GNAO1: variants seen among roughly 807,000 people sequenced by gnomAD.
GNAO1 encodes G protein subunit alpha o1, also known as guanine nucleotide-binding protein G(o) subunit alpha.
For synonymous variants in GNAO1, 164 were observed against 180.7 expected, an observed-to-expected ratio of 0.91 and a Z score of 0.74; for missense variants, 166 against 478.7, an observed-to-expected ratio of 0.35 and a Z score of 6.10.
At chr16:56,244,083 G>C (rs2036719463) in intron 2 of GNAO1, among the ~76,000 whole-genome samples, 2 of 152,210 alleles carry the variant, frequency 1.3e-5, no homozygotes, top group African/African-American at 4.8e-5. Flanking sequence ...TGTGATCCCA[G>C]ACCCCACTCT....
At chr16:56,296,578 G>A (rs2037290107) in intron 3 of GNAO1, among the ~76,000 whole-genome samples, 2 of 152,118 alleles carry the variant, frequency 1.3e-5, no homozygotes, top group South Asian at 4.1e-4. Context: ...ACACACAGAT[G>A]CTGAGCCTGA....
At chr16:56,221,160 T>C (rs2036482738) in intron 2 of GNAO1, among the ~76,000 whole-genome samples, 1 of 152,188 alleles carries the variant, frequency 6.6e-6, no homozygotes. Context: ...CACTAGACAC[T>C]GAATGCCAGT....
At chr16:56,344,291 G>A (rs1160387135) in intron 6 of GNAO1, 79 of 1,200,668 alleles carry the variant, frequency 6.6e-5, no homozygotes, top group Non-Finnish European at 6.5e-5. Flanking sequence ...TGGAAGCCTC[G>A]GAGTGTCCTC....
intron 6 of GNAO1, chr16:56,347,301 C>A (rs1395686253): frequency 2.0e-6 from 2 of 985,336 alleles, no homozygotes; most frequent in Non-Finnish European, 2.4e-6. Context: ...ACCAGAGATT[C>A]AGTGTGCAGT....
At chr16:56,305,821 G>GT (rs765360820) in intron 3 of GNAO1, among the ~76,000 whole-genome samples, 77 of 152,316 alleles carry the variant, frequency 5.1e-4, no homozygotes, top group Non-Finnish European at 9.3e-4. Context: ...GTAGATGGCT[G>GT]TTTTCTCCCC....
At chr16:56,270,324 C>T (rs1345404228) in intron 2 of GNAO1, 1 of 152,294 alleles carries the variant, frequency 6.6e-6, no homozygotes, top group African/African-American at 2.4e-5. Context: ...CTGAGCGTCC[C>T]TGAGTTTTGG....
intron 2 of GNAO1, chr16:56,194,181 G>T (rs1214534686): frequency 2.2e-6 from 1 of 456,514 alleles, no homozygotes. Context: ...GGCTTTCTTC[G>T]CAGAGCCCCC....
At chr16:56,280,590 G>C (rs1316142253) in intron 3 of GNAO1, among the ~76,000 whole-genome samples, 1 of 152,122 alleles carries the variant, frequency 6.6e-6, no homozygotes, top group African/African-American at 2.4e-5. Context: ...GCAGGGAGGG[G>C]GATGGCAGGG....
intron 3 of GNAO1, chr16:56,307,651 C>T (rs2037411291): frequency 6.6e-6 from 1 of 152,230 alleles, no homozygotes; most frequent in Non-Finnish European, 1.5e-5. Context: ...TAACCCAGAT[C>T]CTCTGAGGCC....
chr16:56,239,101 T>G (rs1057249653), intron 2 of GNAO1, among the ~76,000 whole-genome samples: 1 of 152,222 alleles, frequency 6.6e-6, no homozygotes, highest in African/African-American at 2.4e-5. Context: ...AAAATACACT[T>G]CAGTGTCACA....
At chr16:56,328,322 T>C (rs994620685) in intron 3 of GNAO1, among the ~76,000 whole-genome samples, 1 of 152,086 alleles carries the variant, frequency 6.6e-6, no homozygotes, top group Non-Finnish European at 1.5e-5. Context: ...GCTGGTTGAG[T>C]TGGAGAGTGG....
rs1417130282 is a variant in GNAO1, at chr16:56,351,033, C to A, written c.724-351C>A. On this transcript the variant is annotated intron_variant, in intron 6 of 8. Coordinates refer to ENST00000262493, the MANE Select transcript of GNAO1 (RefSeq NM_020988.3). The surrounding 1 kb of genome is among the most constrained non-coding windows in gnomAD (Gnocchi z 6.1). ...CACACATAACAGGTGCATGCACACA[C>A]ACACAGGCACATGCACACAGCCACA... 1.3e-5 allele frequency among the ~76,000 whole-genome samples: 2 copies of A among 152,150 alleles called. No individual in the cohort carries two copies. Among genetic ancestry groups the A allele is most frequent in the African/African-American group, 4.8e-5 (2 of 41,406 alleles).
At chr16:56,220,362 A>C (rs997597493) in intron 2 of GNAO1, among the ~76,000 whole-genome samples, 1 of 152,190 alleles carries the variant, frequency 6.6e-6, no homozygotes, top group African/African-American at 2.4e-5. Flanking sequence ...TGTTCACTAG[A>C]GCCTACTGTG....
At chr16:56,308,834 AAGG>A (rs2037425275) in intron 3 of GNAO1, among the ~76,000 whole-genome samples, 1 of 152,072 alleles carries the variant, frequency 6.6e-6, no homozygotes, top group Admixed American at 6.6e-5. Context: ...AGCAAGACAG[AAGG>A]AGGAGGAAGG....
At chr16:56,347,824 C>A in intron 6 of GNAO1, 1 of 980,364 alleles carries the variant, frequency 1.0e-6, no homozygotes, top group Non-Finnish European at 1.2e-6. Flanking sequence ...GTTACTCCCA[C>A]AGCTCTGGGC....
chr16:56,292,049 T>C (rs1360382122), intron 3 of GNAO1, among the ~76,000 whole-genome samples: 1 of 152,196 alleles, frequency 6.6e-6, no homozygotes, highest in Non-Finnish European at 1.5e-5. Context: ...ACTTACACTC[T>C]TTTGGAGCTG....
intron 4 of GNAO1, among the ~76,000 whole-genome samples, chr16:56,331,172 G>T (rs1255629610): frequency 6.6e-6 from 1 of 152,162 alleles, no homozygotes; most frequent in Non-Finnish European, 1.5e-5. Context: ...GCACTTCTCT[G>T]CCCAGCCCTT....
At chr16:56,270,314 CT>C (rs1286868812) in intron 2 of GNAO1, 2 of 152,298 alleles carry the variant, frequency 1.3e-5, no homozygotes, top group African/African-American at 4.8e-5. Context: ...TGGAACACCC[CT>C]GAGCGTCCCT....
chr16:56,337,904 C>CGTCT (rs2037758757), intron 6 of GNAO1, among the ~76,000 whole-genome samples: 1 of 152,192 alleles, frequency 6.6e-6, no homozygotes, highest in South Asian at 2.1e-4. Context: ...CACAGCCTGG[C>CGTCT]GTCTGTCATC....
Sources: allele counts gnomAD v4.1 joint callset (sites outside exome capture counted in the v4.1 genomes callset), GRCh38; gene constraint gnomAD v4.1.1; non-coding constraint Gnocchi (gnomAD v3.1); transcripts MANE v1.5; gene names NCBI Gene and HGNC (gene_info 2026-07-23, HGNC 2026-07-21).